The following PTPRO variants were observed in gnomAD, a reference collection of about 807,000 sequenced individuals.
PTPRO encodes the protein protein tyrosine phosphatase receptor type O, also known as receptor-type tyrosine-protein phosphatase O.
In PTPRO, 62 loss-of-function variants were observed where a neutral mutation model predicts 145.2. The ratio of observed to expected loss-of-function variants is 0.43; its 90% CI spans 0.35 to 0.53. The LOEUF (loss-of-function observed/expected upper bound fraction) is 0.53. PTPRO is among the 20% of genes least tolerant of loss of function. PTPRO has a pLI of 0.01. For missense variants in PTPRO, 1,345 were observed against 1,482.7 expected (o/e 0.91, Z 1.53); for synonymous variants, 565 against 514.7 (o/e 1.10, Z -1.32).
intron 1 of PTPRO, among the ~76,000 whole-genome samples, chr12:15,464,618 C>A (rs10772854): frequency 6.6e-6 from 1 of 151,430 alleles, no homozygotes; most frequent in East Asian, 1.9e-4. Context: ...CTTGGCCTCC[C>A]AAAGTGCTGG....
At chr12:15,592,615 T>C (rs1944577290) in intron 25 of PTPRO, among the ~76,000 whole-genome samples, 1 of 152,212 alleles carries the variant, frequency 6.6e-6, no homozygotes, top group African/African-American at 2.4e-5. Context: ...TAGAGGCGTA[T>C]TTAGAAAGAA....
intron 12 of PTPRO, among the ~76,000 whole-genome samples, chr12:15,536,897 ATACTTGTTTAG>A (rs1943076515): frequency 6.6e-6 from 1 of 152,196 alleles, no homozygotes; most frequent in Admixed American, 6.5e-5. Flanking sequence ...ATAAGAGATT[ATACTTGTTTAG>A]GTCAGACTGG....
rs1940847895 is a variant in PTPRO, at chr12:15,444,364, GA to G, written c.76-39605del. Reference sequence around the variant, plus strand: ...AGAGGGAGAGGGTGGGGCAAGGTTTGAAAAACTAACTGTTGGCTACTGTGAT... The same window carrying G: ...AGAGGGAGAGGGTGGGGCAAGGTTTGAAAACTAACTGTTGGCTACTGTGAT... On this transcript the variant is annotated intron_variant, in intron 1 of 26. Transcript: ENST00000281171. Among the ~76,000 whole-genome samples, 2 of 152,018 alleles carry G rather than the reference GA, an allele frequency of 1.3e-5. 1 individual carries two copies. Among genetic ancestry groups the G allele is most frequent in the South Asian group, 4.1e-4 (2 of 4,826 alleles).
chr12:15,409,508 G>A (rs1591785923), intron 1 of PTPRO, among the ~76,000 whole-genome samples: 1 of 152,186 alleles, frequency 6.6e-6, no homozygotes, highest in East Asian at 1.9e-4. Context: ...ATAACAAGCT[G>A]TTTCTCTCCC....
intron 1 of PTPRO, among the ~76,000 whole-genome samples, chr12:15,424,462 A>C (rs1940228904): frequency 6.6e-6 from 1 of 152,168 alleles, no homozygotes. Flanking sequence ...CTTTATTTAC[A>C]AAGATTTATT....
At chr12:15,383,532 A>G (rs2136277233) in intron 1 of PTPRO, among the ~76,000 whole-genome samples, 1 of 152,330 alleles carries the variant, frequency 6.6e-6, no homozygotes, top group South Asian at 2.1e-4. Context: ...TAAGCCAAAT[A>G]TGAGAACCAG....
intron 25 of PTPRO, among the ~76,000 whole-genome samples, chr12:15,589,851 T>C (rs1229015702): frequency 1.3e-5 from 2 of 152,206 alleles, no homozygotes; most frequent in East Asian, 3.8e-4. Context: ...GTAAAACCTC[T>C]TTGAACAGAC....
At chr12:15,380,757 C>A (rs1486220722) in intron 1 of PTPRO, among the ~76,000 whole-genome samples, 1 of 152,100 alleles carries the variant, frequency 6.6e-6, no homozygotes, top group Non-Finnish European at 1.5e-5. Context: ...TTTTTTCTTG[C>A]ACTAAAAATT....
intron 25 of PTPRO, among the ~76,000 whole-genome samples, chr12:15,592,187 G>A (rs1046097231): frequency 1.3e-5 from 2 of 151,858 alleles, no homozygotes; most frequent in African/African-American, 4.8e-5. Context: ...AATACAGATT[G>A]ATCTGCCTAA....
intron 1 of PTPRO, among the ~76,000 whole-genome samples, chr12:15,430,885 A>G (rs1420762216): frequency 6.6e-6 from 1 of 152,208 alleles, no homozygotes; most frequent in East Asian, 1.9e-4. Flanking sequence ...GAATTAAAAT[A>G]TTTGGAGCAC....
At chr12:15,343,564 T>A (rs1166588994) in intron 1 of PTPRO, among the ~76,000 whole-genome samples, 1 of 152,112 alleles carries the variant, frequency 6.6e-6, no homozygotes, top group Non-Finnish European at 1.5e-5. Context: ...GGCTCGCACC[T>A]GTAGTTCCAG....
chr12:15,553,811 C>T (rs956328538), intron 15 of PTPRO, among the ~76,000 whole-genome samples: 2 of 152,172 alleles, frequency 1.3e-5, no homozygotes, highest in African/African-American at 4.8e-5. Flanking sequence ...GCTAATAGTT[C>T]AGTCCAGAGC....
intron 1 of PTPRO, among the ~76,000 whole-genome samples, chr12:15,347,425 A>G (rs1323125317): frequency 6.6e-6 from 1 of 152,198 alleles, no homozygotes; most frequent in Non-Finnish European, 1.5e-5. Context: ...CTCCTTAAAG[A>G]AAGAGACTGT....
rs551573910 is a variant in PTPRO, at chr12:15,380,513, A to G, written c.75+57712A>G. Among the ~76,000 whole-genome samples, 247 of 152,310 alleles carry G rather than the reference A, an allele frequency of 1.6e-3. 1 individual carries two copies. The highest frequency in any genetic ancestry group is 2.9e-3 in the Non-Finnish European group (195 of 68,006). ...GAATAACAACTTATGTAATTTTAAA[A>G]GACATATTGGGCCAAATTAAATGGT... On this transcript the variant is annotated intron_variant, in intron 1 of 26. Coordinates refer to ENST00000281171, the MANE Select transcript of PTPRO (RefSeq NM_030667.3).
chr12:15,485,667 T>C (rs975461823), intron 2 of PTPRO, among the ~76,000 whole-genome samples: 1 of 152,168 alleles, frequency 6.6e-6, no homozygotes, highest in African/African-American at 2.4e-5. Context: ...CACTCAGCCA[T>C]TCCTCATCAG....
At chr12:15,375,058 T>C (rs966265452) in intron 1 of PTPRO, among the ~76,000 whole-genome samples, 3 of 152,194 alleles carry the variant, frequency 2.0e-5, no homozygotes, top group African/African-American at 7.2e-5. Flanking sequence ...TTCTAAAAAA[T>C]ATCTGAGCAA....
At chr12:15,395,108 C>T (rs1285229491) in intron 1 of PTPRO, among the ~76,000 whole-genome samples, 1 of 152,078 alleles carries the variant, frequency 6.6e-6, no homozygotes, top group Non-Finnish European at 1.5e-5. Flanking sequence ...TGTGAAATAC[C>T]ACTGAGTATC....
chr12:15,507,738 G>A (rs919529414), intron 6 of PTPRO, among the ~76,000 whole-genome samples: 3 of 152,142 alleles, frequency 2.0e-5, no homozygotes, highest in African/African-American at 7.2e-5. Context: ...CCAAACCTTA[G>A]TCTGTCCTCC....
chr12:15,557,888 T>A (rs953375056), intron 16 of PTPRO, among the ~76,000 whole-genome samples: 22 of 152,128 alleles, frequency 1.4e-4, no homozygotes, highest in Non-Finnish European at 2.2e-4. Context: ...TTGCGACAGA[T>A]CGGCTTCTCC....
Sources: gnomAD v4.1 joint callset for allele counts (sites outside exome capture counted in the v4.1 genomes callset) on GRCh38, gnomAD v4.1.1 for gene constraint, MANE v1.5 for transcripts, NCBI Gene and HGNC (gene_info 2026-07-23, HGNC 2026-07-21) for gene names.